Variants in DENND4C observed in about 807,000 individuals in gnomAD.
DENND4C encodes DENN domain containing 4C, also known as DENN domain-containing protein 4C.
In DENND4C, 108 loss-of-function variants were observed where a neutral mutation model predicts 203.0. The ratio of observed to expected loss-of-function variants is 0.53; its 90% CI spans 0.46 to 0.62. The LOEUF (loss-of-function observed/expected upper bound fraction) is 0.62. Among genes scored for constraint, DENND4C ranks in the 20% least tolerant of loss-of-function variants. The pLI is 0.00. For missense variants in DENND4C, 2,481 were observed against 2,301.2 expected, an observed-to-expected ratio of 1.08 and a Z score of -1.60; for synonymous variants, 871 against 792.4, an observed-to-expected ratio of 1.10 and a Z score of -1.67.
At chr9:19,320,049 C>T (rs1016737519) in intron 12 of DENND4C, among the ~76,000 whole-genome samples, 7 of 151,792 alleles carry the variant, frequency 4.6e-5, no homozygotes, top group South Asian at 2.1e-4. Context: ...CTGCAGTGTC[C>T]GGTAGAAATA....
At chr9:19,370,747 A>C (rs1308475675) in intron 31 of DENND4C, among the ~76,000 whole-genome samples, 1 of 152,246 alleles carries the variant, frequency 6.6e-6, no homozygotes, top group African/African-American at 2.4e-5. Context: ...TTGTCTGCTA[A>C]TATGCTCAGA....
At chr9:19,370,181 G>C in intron 31 of DENND4C, 194 bp downstream of exon 31, 1 of 643,766 alleles carries the variant, frequency 1.6e-6, no homozygotes, top group South Asian at 1.9e-5. Flanking sequence ...CTGGGGGCTT[G>C]GCACGGTGGC....
rs1275906402 is a variant in DENND4C, at chr9:19,374,026, C to G, written c.*1853C>G. ...TCTGAGAGTATATATTTTTGCAACT[C>G]AAGACTTGGTACTAGTTTTAATACT... On this transcript the variant is annotated 3_prime_UTR_variant, in exon 33 of 33. Transcript: ENST00000434457. 1.3e-5 allele frequency among the ~76,000 whole-genome samples: 2 copies of G among 152,098 alleles called. No individual in the cohort carries two copies. Among genetic ancestry groups the G allele is most frequent in the African/African-American group, 4.8e-5 (2 of 41,402 alleles).
rs751576088 is a variant in DENND4C at position 19,299,211 on chromosome 9, C to CTT, written c.1108-5_1108-4dup. 681 of 1,222,356 alleles carry CTT rather than the reference C, an allele frequency of 5.6e-4. No homozygotes were observed. The highest frequency in any genetic ancestry group is 1.1e-3 in the South Asian group (65 of 61,772). 75.7% of individuals were successfully genotyped at this position (1,222,356 alleles called of 1,614,324 possible). A position where few individuals can be genotyped will look rare whatever the true frequency, so the allele number is the denominator to read the frequency against. ...GTTAATTTATCTTTGGTTAATTTAT[C>CTT]TTTTTTTTTTTTTTAAGCTGTCAGT... is the stretch of plus-strand genomic sequence containing the variant. On this transcript the variant is annotated splice_polypyrimidine_tract_variant and intron_variant, in intron 7 of 32. Transcript: ENST00000434457.
intron 12 of DENND4C, among the ~76,000 whole-genome samples, chr9:19,318,667 G>GC (rs1209869326): frequency 6.6e-6 from 1 of 152,154 alleles, no homozygotes; most frequent in Non-Finnish European, 1.5e-5. Context: ...TTCTTCTGAA[G>GC]CCTCTTCCCT....
rs1394456021 is a variant in DENND4C, at chr9:19,361,941, G to C, written c.5502G>C (p.Leu1834=). The change falls in exon 30 of 33, where the codon CTG becomes CTC. Residue 1834 remains leucine (L), a synonymous_variant. Coordinates refer to ENST00000434457, the MANE Select transcript of DENND4C (RefSeq NM_001330640.2). ...TTCATCAGGAACCAAGAGAACCTCT[G>C]TATGTCTCATGGAGGAATTTTAGTA... ...INLHQEPREP[L]YVSWRNFNSE... is the part of the protein sequence containing the mutation. The C allele has an allele frequency of 6.2e-7, 1 of 1,600,352 alleles. No homozygotes were observed. Among genetic ancestry groups the C allele is most frequent in the African/African-American group, 1.3e-5 (1 of 74,526 alleles).
At chr9:19,231,143 G>C (rs1314016359) in intron 1 of DENND4C, among the ~76,000 whole-genome samples, 1 of 152,242 alleles carries the variant, frequency 6.6e-6, no homozygotes, top group Non-Finnish European at 1.5e-5. Context: ...ACAAGCGCGA[G>C]GGGTCTGGGC....
chr9:19,239,574 C>T (rs1325729679), intron 1 of DENND4C, among the ~76,000 whole-genome samples: 1 of 152,012 alleles, frequency 6.6e-6, no homozygotes, highest in Non-Finnish European at 1.5e-5. Flanking sequence ...GCAACCTCCA[C>T]CTCCCAGATT....
chr9:19,339,553 C>CG (rs770739359), intron 20 of DENND4C, among the ~76,000 whole-genome samples: 2 of 152,204 alleles, frequency 1.3e-5, no homozygotes, highest in Non-Finnish European at 2.9e-5. Flanking sequence ...CACACACAGT[C>CG]TGACCTTCAT....
chr9:19,360,140 T>C (rs1826159251), intron 28 of DENND4C, 104 bp from the exon 29 acceptor site: 1 of 1,215,754 alleles, frequency 8.2e-7, no homozygotes, highest in African/African-American at 1.6e-5. Flanking sequence ...GGTCCTAAAA[T>C]AACTGATTTA....
intron 17 of DENND4C, among the ~76,000 whole-genome samples, chr9:19,332,439 C>G (rs112091425): frequency 6.6e-6 from 1 of 151,684 alleles, no homozygotes; most frequent in African/African-American, 2.4e-5. Flanking sequence ...TCCCTGCAAC[C>G]TCTGCCTCCC....
At chr9:19,343,369 C>T (rs946612519) in intron 22 of DENND4C, among the ~76,000 whole-genome samples, 1 of 152,226 alleles carries the variant, frequency 6.6e-6, no homozygotes, top group African/African-American at 2.4e-5. Flanking sequence ...TCTTATGGCA[C>T]ATATCCAAGT....
chr9:19,260,881 C>T (rs1193151384), intron 1 of DENND4C, among the ~76,000 whole-genome samples: 1 of 152,044 alleles, frequency 6.6e-6, no homozygotes, highest in Admixed American at 6.6e-5. Context: ...TCAAGAAATC[C>T]GGTCTGGATG....
rs1839929438 is a variant in DENND4C at position 19,307,527 on chromosome 9, T to A, written c.1487+2000T>A. ...GCTCATGCCTGTAATCCCAGCACTT[T>A]GGGAGGCCGAGGCAGATGGATCACC... On this transcript the variant is annotated intron_variant, in intron 10 of 32. Transcript: ENST00000434457. Among the ~76,000 whole-genome samples the A allele has an allele frequency of 2.6e-5, 4 of 151,942 alleles. No individual in the cohort carries two copies. The South Asian group carries it at 8.3e-4, about 32-fold the overall frequency.
In DENND4C at chr9:19,316,711, T is replaced by C. The variant is rs1841915900; in HGVS notation, c.1679T>C (p.Met560Thr). The C allele has an allele frequency of 6.2e-7, 1 of 1,614,098 alleles. No homozygotes were observed. Residue 560 changes from methionine to threonine, a missense_variant, in exon 12 of 33, where the codon ATG (methionine) becomes ACG (threonine). Coordinates refer to ENST00000434457, the MANE Select transcript of DENND4C (RefSeq NM_001330640.2). The part of the protein sequence containing the change: ...SWQKKMTQLE[M>T]EIQEAFLRFM... ...CAAAAGAAGATGACACAGCTTGAGA[T>C]GGAAATTCAAGAGGCATTTTTGCGC...
chr9:19,326,220 A>G, intron 15 of DENND4C, 26 bp downstream of exon 15: 1 of 1,591,406 alleles, frequency 6.3e-7, no homozygotes, highest in Non-Finnish European at 8.5e-7. Context: ...AAAAGAGCTT[A>G]ATGGCACAGC....
intron 1 of DENND4C, among the ~76,000 whole-genome samples, chr9:19,247,929 C>T (rs1393045591): frequency 1.3e-5 from 2 of 152,150 alleles, no homozygotes; most frequent in Admixed American, 6.6e-5. Flanking sequence ...CAAACTATAT[C>T]CCCAATATTA....
Position 19,280,282 on chromosome 9 carries a change from G to A in DENND4C, c.305+3803G>A, listed in dbSNP as rs144348732. ...CTGCCTCAGCCTCCCAAGTAGCTGGGATTACAGGCACCCACCACCACGCCC... is the reference window on the plus strand; with the variant it reads ...CTGCCTCAGCCTCCCAAGTAGCTGGAATTACAGGCACCCACCACCACGCCC... On this transcript the variant is annotated intron_variant, in intron 2 of 32. Transcript: ENST00000434457. 2.6e-3 allele frequency among the ~76,000 whole-genome samples: 389 copies of A among 152,188 alleles called. 1 individual carries two copies. The highest frequency in any genetic ancestry group is 9.2e-3 in the African/African-American group (382 of 41,504).
rs1266862971 is a variant in DENND4C, at chr9:19,358,068, G to A, written c.5068G>A (p.Val1690Ile). The change falls in exon 28 of 33, where the codon GTT (valine) becomes ATT (isoleucine). Residue 1690 changes from valine to isoleucine, a missense_variant. Physicochemically the swap from Val to Ile is conservative, Grantham distance 29. Coordinates refer to ENST00000434457, the MANE Select transcript of DENND4C (RefSeq NM_001330640.2). This position sits in a 1 kb window ranked among gnomAD's most constrained non-coding sequence, Gnocchi z 4.8. ...RNVSLTRSHS[V>I]GGPLQNIDFT... is the part of the protein sequence containing the mutation. ...TGTGTCTTTGACTCGAAGTCACAGTGTTGGAGGCCCATTGCAGAATATTGA... is the reference window on the plus strand; with the variant it reads ...TGTGTCTTTGACTCGAAGTCACAGTATTGGAGGCCCATTGCAGAATATTGA... 6.2e-7 allele frequency: 1 copy of A among 1,613,862 alleles called. No homozygotes were observed. Among genetic ancestry groups the A allele is most frequent in the Non-Finnish European group, 8.5e-7 (1 of 1,179,880 alleles).
Sources: allele counts gnomAD v4.1 joint callset (sites outside exome capture counted in the v4.1 genomes callset), GRCh38; gene constraint gnomAD v4.1.1; non-coding constraint Gnocchi (gnomAD v3.1); transcripts MANE v1.5; gene names NCBI Gene and HGNC (gene_info 2026-07-23, HGNC 2026-07-21).